Variants in CYP26B1 observed in about 807,000 individuals in gnomAD.
The protein encoded by CYP26B1 is cytochrome P450 26B1.
Under a neutral mutation model 39.1 loss-of-function variants are expected in CYP26B1, and 8 were observed. The ratio of observed to expected loss-of-function variants is 0.20; its 90% CI spans 0.12 to 0.37. The LOEUF is 0.37. Ranked by LOEUF, CYP26B1 falls within the 10% of genes least tolerant of loss-of-function variation. The probability of loss-of-function intolerance (pLI) is 1.00; values close to 1 mark genes in which losing one functional copy is unlikely to be tolerated. For synonymous variants in CYP26B1, 321 were observed against 314.3 expected (o/e 1.02, Z -0.23); for missense variants, 615 against 707.0 (o/e 0.87, Z 1.48).
chr2:72,144,413 T>C, intron 1 of CYP26B1, 200 bp from the exon 2 acceptor site: 1 of 1,371,510 alleles, frequency 7.3e-7, no homozygotes, highest in South Asian at 2.0e-5. Context: ...TAATAAATAA[T>C]GCAAGGAGGC....
rs1676582912 is a variant in CYP26B1 at position 72,131,693 on chromosome 2, T to C, written c.*534A>G. ...AACTGGTGAGGGAGGGTGGGAACCG[T>C]GGCATAGGGAAGGGCAATCTCCAGG... On this transcript the variant is annotated 3_prime_UTR_variant, in exon 6 of 6. Coordinates refer to ENST00000001146, the MANE Select transcript of CYP26B1 (RefSeq NM_019885.4). 3 of 155,732 alleles carry C rather than the reference T, an allele frequency of 1.9e-5. No homozygotes were observed. Among genetic ancestry groups the C allele is most frequent in the Admixed American group, 1.9e-4 (3 of 15,714 alleles). 9.6% of individuals were successfully genotyped at this position (155,732 alleles called of 1,614,324 possible).
intron 2 of CYP26B1, among the ~76,000 whole-genome samples, chr2:72,141,380 G>A (rs1255715699): frequency 6.6e-6 from 1 of 152,182 alleles, no homozygotes; most frequent in Non-Finnish European, 1.5e-5. Context: ...GGCAGCCAGG[G>A]CAAACACCTG....
At chr2:72,137,934 C>G (rs1376406511) in intron 2 of CYP26B1, among the ~76,000 whole-genome samples, 3 of 152,212 alleles carry the variant, frequency 2.0e-5, no homozygotes, top group African/African-American at 7.2e-5. Flanking sequence ...TCTTGGCCGG[C>G]GTCTGACTTG....
chr2:72,142,879 G>A (rs959462336), intron 2 of CYP26B1: 3 of 165,940 alleles, frequency 1.8e-5, no homozygotes, highest in Non-Finnish European at 4.4e-5. Flanking sequence ...TGGGGGCAGG[G>A]ATGCAACCCA....
chr2:72,132,453 A>T lies in CYP26B1; in HGVS notation c.1313T>A (p.Val438Asp), dbSNP rs773920775. 1 of 1,613,338 alleles carries T rather than the reference A, an allele frequency of 6.2e-7. No individual in the cohort carries two copies. Among genetic ancestry groups the T allele is most frequent in the South Asian group, 1.1e-5 (1 of 91,006 alleles). ...CAGGTGCTTGCCCAGGCAGGTCCGG[A>T]CACCGCCACCGAACGGGAGGTAATG... Reference protein sequence around the residue: ...RFHYLPFGGGVRTCLGKHLAK... With the variant: ...RFHYLPFGGGDRTCLGKHLAK... The change falls in exon 6 of 6, where the codon GTC becomes GAC. Residue 438 changes from valine (V) to aspartate (D), a missense_variant. By Grantham distance (152) the Val-to-Asp change is radical. Transcript: ENST00000001146.
intron 1 of CYP26B1, among the ~76,000 whole-genome samples, chr2:72,145,560 A>AG (rs746219996): frequency 6.6e-6 from 1 of 152,186 alleles, no homozygotes; most frequent in Non-Finnish European, 1.5e-5. Context: ...TGGTGAGGCG[A>AG]GGGTTTCCCT....
Position 72,147,577 on chromosome 2 carries a change from C to A in CYP26B1, c.204+54G>T. 6.5e-7 allele frequency: 1 copy of A among 1,537,138 alleles called. No individual in the cohort carries two copies. Among genetic ancestry groups the A allele is most frequent in the South Asian group, 1.2e-5 (1 of 82,936 alleles). ...CTGGCCGGCCCGCCGCTCCGTCTGC[C>A]CCGCGCTCGCAGCTAGCGGACCCCG... On this transcript the variant is annotated intron_variant, in intron 1 of 5. Transcript: ENST00000001146. This position sits in a 1 kb window ranked among gnomAD's most constrained non-coding sequence, Gnocchi z 6.1.
Position 72,132,056 on chromosome 2 carries a change from G to T in CYP26B1, c.*171C>A. 1.4e-6 allele frequency: 1 copy of T among 722,222 alleles called. No homozygotes were observed. The highest frequency in any genetic ancestry group is 2.2e-6 in the Non-Finnish European group (1 of 445,196). The allele number at this position is 722,222 out of a possible 1,614,324, so 44.7% of individuals were successfully genotyped here. ...GAGCCAGAAGGGGAGCCCAGCCCTA[G>T]GAATGGGGCCCACTGGCTTTGGGTA... On this transcript the variant is annotated 3_prime_UTR_variant, in exon 6 of 6. Transcript: ENST00000001146.
rs1281765906 is a variant in CYP26B1 at position 72,144,074 on chromosome 2, G to A, written c.344C>T (p.Thr115Ile). Residue 115 changes from threonine (T) to isoleucine (I), a missense_variant, in exon 2 of 6, where the codon ACC becomes ATC. Coordinates refer to ENST00000001146, the MANE Select transcript of CYP26B1 (RefSeq NM_019885.4). ...ILMGEHHLVSTEWPRSTRMLL... is the reference protein window; with the variant it reads ...ILMGEHHLVSIEWPRSTRMLL... ...CATGCGGGTGCTGCGAGGCCACTCG[G>A]TGCTCACGAGGTGGTGCTCGCCCAT... 1.2e-6 allele frequency: 2 copies of A among 1,613,668 alleles called. No individual in the cohort carries two copies. The highest frequency in any genetic ancestry group is 3.3e-5 in the Admixed American group (2 of 60,000).
rs956639677 is a variant in CYP26B1, at chr2:72,129,836, A to G, written c.*2391T>C. On this transcript the variant is annotated 3_prime_UTR_variant, in exon 6 of 6. Transcript: ENST00000001146. ...CCATCTAATGCTAGCTGTATGAAAC[A>G]CACACGCACACGCACAGACACGGGC... 5.9e-5 allele frequency: 9 copies of G among 151,586 alleles called. No homozygotes were observed. Among genetic ancestry groups the G allele is most frequent in the African/African-American group, 1.5e-4 (6 of 40,946 alleles). The allele number at this position is 151,586 out of a possible 1,614,324, so 9.4% of individuals were successfully genotyped here.
rs1229465006 is a variant in CYP26B1 at position 72,131,901 on chromosome 2, A to C, written c.*326T>G. ...CCGAAAGGAACGGAGGGAAGGGAGCAGTTCAGAACATCACAAAAACACTGT... is the reference window on the plus strand; with the variant it reads ...CCGAAAGGAACGGAGGGAAGGGAGCCGTTCAGAACATCACAAAAACACTGT... On this transcript the variant is annotated 3_prime_UTR_variant, in exon 6 of 6. Coordinates refer to ENST00000001146, the MANE Select transcript of CYP26B1 (RefSeq NM_019885.4). 1 of 352,150 alleles carries C rather than the reference A, an allele frequency of 2.8e-6. No individual in the cohort carries two copies. Among genetic ancestry groups the C allele is most frequent in the Non-Finnish European group, 5.3e-6 (1 of 189,892 alleles). The allele number at this position is 352,150 out of a possible 1,614,324, so 21.8% of individuals were successfully genotyped here.
rs980644126 is a variant in CYP26B1, at chr2:72,140,292, G to C, written c.429+3697C>G. Reference sequence around the variant, plus strand: ...GAGGTGCCCACTCCCAGGCACCCTGGCAGCTGACCGTGGGCTCCCTCCCCC... The same window carrying C: ...GAGGTGCCCACTCCCAGGCACCCTGCCAGCTGACCGTGGGCTCCCTCCCCC... On this transcript the variant is annotated intron_variant, in intron 2 of 5. Coordinates refer to ENST00000001146, the MANE Select transcript of CYP26B1 (RefSeq NM_019885.4). Among the ~76,000 whole-genome samples the C allele has an allele frequency of 2.2e-4, 33 of 152,212 alleles. 1 individual carries two copies. Among genetic ancestry groups the C allele is most frequent in the Non-Finnish European group, 1.8e-4 (12 of 68,030 alleles).
At chr2:72,144,759 G>A (rs946944371) in intron 1 of CYP26B1, among the ~76,000 whole-genome samples, 23 of 152,216 alleles carry the variant, frequency 1.5e-4, no homozygotes, top group Admixed American at 3.9e-4. Flanking sequence ...TCTGCAGGGC[G>A]GGGTCACGGG....
In CYP26B1 at chr2:72,135,230, G is replaced by C. The variant is rs1267031669; in HGVS notation, c.619C>G (p.Leu207Val). The change falls in exon 3 of 6, where the codon CTT becomes GTT. Residue 207 changes from leucine (L) to valine (V), a missense_variant. By Grantham distance (32) the Leu-to-Val change is conservative. Coordinates refer to ENST00000001146, the MANE Select transcript of CYP26B1 (RefSeq NM_019885.4). ...TGGTAGACCTCAAAGAGGTGCCCAA[G>C]GTCCTCCTCAGGGATGCTGAAGCCC... Reference protein sequence around the residue: ...LLGFSIPEEDLGHLFEVYQQF... With the variant: ...LLGFSIPEEDVGHLFEVYQQF... The C allele has an allele frequency of 8.7e-6, 14 of 1,613,946 alleles. No homozygotes were observed. The highest frequency in any genetic ancestry group is 1.2e-5 in the Non-Finnish European group (14 of 1,180,018).
At chr2:72,144,484 G>T (rs1677058094) in intron 1 of CYP26B1, 8 of 1,254,480 alleles carry the variant, frequency 6.4e-6, no homozygotes, top group Non-Finnish European at 7.0e-6. Flanking sequence ...GAGGAAAGAG[G>T]TATCCCGGAC....
chr2:72,140,395 AC>A (rs1676910107), intron 2 of CYP26B1, among the ~76,000 whole-genome samples: 1 of 152,204 alleles, frequency 6.6e-6, no homozygotes, highest in Non-Finnish European at 1.5e-5. Context: ...TGCTACAGTA[AC>A]TTTTGGGTGA....
intron 2 of CYP26B1, among the ~76,000 whole-genome samples, chr2:72,136,014 C>T (rs986837344): frequency 6.6e-6 from 1 of 152,206 alleles, no homozygotes; most frequent in Non-Finnish European, 1.5e-5. Flanking sequence ...TCCAGGGCCA[C>T]TGTACGCAGC....
chr2:72,142,226 C>G (rs1302335979), intron 2 of CYP26B1, among the ~76,000 whole-genome samples: 3 of 152,178 alleles, frequency 2.0e-5, no homozygotes, highest in African/African-American at 7.2e-5. Flanking sequence ...ACCGGGAGGC[C>G]CGAGGCCAAG....
intron 4 of CYP26B1, 114 bp from the exon 5 acceptor site, chr2:72,133,421 T>C: frequency 7.4e-7 from 1 of 1,346,926 alleles, no homozygotes; most frequent in Middle Eastern, 2.5e-4. Flanking sequence ...CCCTGCCTGG[T>C]TCCTGCAGTG....
Sources: allele counts gnomAD v4.1 joint callset (sites outside exome capture counted in the v4.1 genomes callset), GRCh38; gene constraint gnomAD v4.1.1; non-coding constraint Gnocchi (gnomAD v3.1); transcripts MANE v1.5; gene names NCBI Gene and HGNC (gene_info 2026-07-23, HGNC 2026-07-21).